PDZRN4: variants seen among roughly 807,000 people sequenced by gnomAD.
The protein encoded by PDZRN4 is PDZ domain containing ring finger 4.
In PDZRN4, 70 loss-of-function variants were observed where a neutral mutation model predicts 99.0. That is an observed-to-expected ratio of 0.71 (90% CI 0.58 to 0.86). The LOEUF (loss-of-function observed/expected upper bound fraction) is 0.86, where lower values mean the gene tolerates loss of function less well. PDZRN4 is among the 40% of genes least tolerant of loss of function. The pLI is 0.00. For missense variants in PDZRN4, 1,474 were observed against 1,331.2 expected, an observed-to-expected ratio of 1.11 and a Z score of -1.67; for synonymous variants, 551 against 501.6, an observed-to-expected ratio of 1.10 and a Z score of -1.32.
At chr12:41,519,959 A>T (rs556743239) in intron 5 of PDZRN4, among the ~76,000 whole-genome samples, 1 of 151,982 alleles carries the variant, frequency 6.6e-6, no homozygotes, top group Non-Finnish European at 1.5e-5. Context: ...ACCTCCCACT[A>T]ATCCAAGTGT....
At chr12:41,250,461 T>G (rs1448236534) in intron 3 of PDZRN4, among the ~76,000 whole-genome samples, 1 of 152,218 alleles carries the variant, frequency 6.6e-6, no homozygotes, top group Non-Finnish European at 1.5e-5. Context: ...TAAACTATAT[T>G]TCTCAAAATA....
chr12:41,253,119 A>G (rs76270952), intron 3 of PDZRN4, among the ~76,000 whole-genome samples: 5,848 of 152,230 alleles, frequency 0.038, 363 homozygotes, highest in African/African-American at 0.13. Context: ...TCTATTGATT[A>G]TCATTTTACT....
chr12:41,331,134 A>T (rs554720385), intron 3 of PDZRN4, among the ~76,000 whole-genome samples: 27 of 152,260 alleles, frequency 1.8e-4, no homozygotes, highest in African/African-American at 6.0e-4. Flanking sequence ...TGAAGCAATC[A>T]TAATAAATTC....
chr12:41,368,763 T>C (rs890040895), intron 3 of PDZRN4, among the ~76,000 whole-genome samples: 1 of 152,102 alleles, frequency 6.6e-6, no homozygotes, highest in African/African-American at 2.4e-5. Flanking sequence ...ATCGCTTCCA[T>C]TAAGGTGCTC....
chr12:41,437,760 G>A (rs960517538), intron 3 of PDZRN4: 30 of 1,505,194 alleles, frequency 2.0e-5, no homozygotes, highest in Non-Finnish European at 2.6e-5. Context: ...GGAAAGCGAA[G>A]AAGAGCATGC....
chr12:41,543,714 A>C (rs1419150458), intron 5 of PDZRN4, among the ~76,000 whole-genome samples: 3 of 152,076 alleles, frequency 2.0e-5, no homozygotes, highest in Non-Finnish European at 4.4e-5. Flanking sequence ...GCTTTGAGCT[A>C]CTCCTGATCT....
At chr12:41,213,871 C>G (rs930298800) in intron 3 of PDZRN4, among the ~76,000 whole-genome samples, 1 of 151,998 alleles carries the variant, frequency 6.6e-6, no homozygotes, top group South Asian at 2.1e-4. Context: ...CCAGCTGCTT[C>G]TAGTATAGAA....
chr12:41,297,435 C>T (rs1214736086), intron 3 of PDZRN4, among the ~76,000 whole-genome samples: 1 of 152,168 alleles, frequency 6.6e-6, no homozygotes, highest in Non-Finnish European at 1.5e-5. Context: ...ACCCCAGCTT[C>T]ACTATGTGTC....
chr12:41,377,860 T>A (rs1952093609), intron 3 of PDZRN4, among the ~76,000 whole-genome samples: 1 of 152,216 alleles, frequency 6.6e-6, no homozygotes, highest in Non-Finnish European at 1.5e-5. Flanking sequence ...AATTCATTTG[T>A]TAGTTCTCTC....
chr12:41,443,632 A>G (rs1017834104), intron 3 of PDZRN4, among the ~76,000 whole-genome samples: 3 of 152,142 alleles, frequency 2.0e-5, no homozygotes, highest in African/African-American at 4.8e-5. Context: ...AGCGAAACCA[A>G]CCAGGAGGCT....
rs530744474 is a variant in PDZRN4, at chr12:41,564,014, A to G, written c.1467+365A>G. 2.0e-5 allele frequency among the ~76,000 whole-genome samples: 3 copies of G among 152,310 alleles called. No individual in the cohort carries two copies. In the South Asian group the frequency reaches 6.2e-4, roughly 32 times the overall value. On this transcript the variant is annotated intron_variant, in intron 8 of 9. Coordinates refer to ENST00000402685, the MANE Select transcript of PDZRN4 (RefSeq NM_001164595.2). ...CCTTCAATTTGCCACTTACTTAAATAAATACTCAAATGAAAAATGGCTGTG... is the reference window on the plus strand; with the variant it reads ...CCTTCAATTTGCCACTTACTTAAATGAATACTCAAATGAAAAATGGCTGTG...
chr12:41,223,511 G>A (rs1156530982), intron 3 of PDZRN4, among the ~76,000 whole-genome samples: 1 of 152,174 alleles, frequency 6.6e-6, no homozygotes, highest in Non-Finnish European at 1.5e-5. Flanking sequence ...AGAATACATT[G>A]ATTGTGCTGT....
At chr12:41,249,574 A>T (rs1951154890) in intron 3 of PDZRN4, among the ~76,000 whole-genome samples, 1 of 152,164 alleles carries the variant, frequency 6.6e-6, no homozygotes, top group Admixed American at 6.5e-5. Flanking sequence ...TAGTAGGGTG[A>T]CAGGAACATA....
intron 3 of PDZRN4, among the ~76,000 whole-genome samples, chr12:41,355,214 G>A (rs746345558): frequency 1.3e-5 from 2 of 152,076 alleles, no homozygotes; most frequent in Non-Finnish European, 2.9e-5. Context: ...AGATGATGCT[G>A]CAAGATGAAA....
At chr12:41,470,983 T>C (rs985866758) in intron 3 of PDZRN4, among the ~76,000 whole-genome samples, 3 of 152,162 alleles carry the variant, frequency 2.0e-5, no homozygotes, top group Non-Finnish European at 4.4e-5. Context: ...AATACAAATA[T>C]GTAATAACAC....
intron 3 of PDZRN4, among the ~76,000 whole-genome samples, chr12:41,427,788 G>A (rs750021418): frequency 3.3e-5 from 5 of 152,106 alleles, no homozygotes; most frequent in Non-Finnish European, 5.9e-5. Context: ...CTAGGATCCC[G>A]AAGGTTGAGA....
At chr12:41,518,041 G>T (rs897013691) in intron 5 of PDZRN4, among the ~76,000 whole-genome samples, 2 of 151,954 alleles carry the variant, frequency 1.3e-5, no homozygotes, top group Non-Finnish European at 2.9e-5. Flanking sequence ...TAAAAATACA[G>T]AAAATAATCC....
At chr12:41,326,211 C>T (rs997895643) in intron 3 of PDZRN4, among the ~76,000 whole-genome samples, 2 of 151,676 alleles carry the variant, frequency 1.3e-5, no homozygotes, top group South Asian at 2.1e-4. Flanking sequence ...TTTCTGGGCT[C>T]GAGCAATCTG....
chr12:41,217,697 C>A (rs983749795), intron 3 of PDZRN4, among the ~76,000 whole-genome samples: 1 of 152,034 alleles, frequency 6.6e-6, no homozygotes, highest in Non-Finnish European at 1.5e-5. Context: ...ACCACAGCCT[C>A]CTCTCCTTCT....
Sources: allele counts gnomAD v4.1 joint callset (sites outside exome capture counted in the v4.1 genomes callset), GRCh38; gene constraint gnomAD v4.1.1; transcripts MANE v1.5; gene names NCBI Gene and HGNC (gene_info 2026-07-23, HGNC 2026-07-21).